Variants in DCUN1D2 observed in about 807,000 individuals in gnomAD.
DCUN1D2 encodes defective in cullin neddylation 1 domain containing 2, also known as DCN1-like protein 2.
In DCUN1D2, 29 loss-of-function variants were observed where a neutral mutation model predicts 30.9. That is an observed-to-expected ratio of 0.94 (90% CI 0.70 to 1.28). DCUN1D2 has a LOEUF of 1.28. DCUN1D2 is among the 50% of genes most tolerant of loss of function. The pLI is 0.00. For synonymous variants in DCUN1D2, 121 were observed against 115.3 expected (o/e 1.05, Z -0.32); for missense variants, 325 against 316.9 (o/e 1.03, Z -0.19).
intron 4 of DCUN1D2, among the ~76,000 whole-genome samples, chr13:113,470,334 G>A (rs1390921635): frequency 6.6e-6 from 1 of 152,226 alleles, no homozygotes; most frequent in Non-Finnish European, 1.5e-5. Context: ...GCACAAGGAT[G>A]AGACTGCCTA....
chr13:113,483,416 C>T (rs969745616), intron 2 of DCUN1D2, among the ~76,000 whole-genome samples: 2 of 152,208 alleles, frequency 1.3e-5, no homozygotes, highest in African/African-American at 4.8e-5. Flanking sequence ...TTCAGATCAT[C>T]TTCATGATTT....
intron 4 of DCUN1D2, among the ~76,000 whole-genome samples, chr13:113,462,200 C>A (rs181719396): frequency 8.7e-5 from 13 of 149,804 alleles, no homozygotes; most frequent in African/African-American, 3.2e-4. Flanking sequence ...TGTGGTGAGC[C>A]GAGATTGCGC....
chr13:113,463,783 CACAG>C (rs2044357899), intron 4 of DCUN1D2, among the ~76,000 whole-genome samples: 1 of 146,860 alleles, frequency 6.8e-6, no homozygotes, highest in Non-Finnish European at 1.5e-5. Flanking sequence ...CACAGACACA[CACAG>C]AGACACACAG....
chr13:113,462,762 C>G (rs918809658), intron 4 of DCUN1D2: 16 of 1,064,408 alleles, frequency 1.5e-5, no homozygotes, highest in Non-Finnish European at 1.7e-5. Flanking sequence ...CAGTAAAATG[C>G]TAAGAAGATG....
At chr13:113,482,959 C>G (rs1390873847) in intron 2 of DCUN1D2, among the ~76,000 whole-genome samples, 1 of 152,132 alleles carries the variant, frequency 6.6e-6, no homozygotes, top group Non-Finnish European at 1.5e-5. Context: ...CACACACACA[C>G]AGACAACAAT....
chr13:113,490,904 TCCAACGCCAGCCTGCGGCTGCCAGGC>T, upstream of DCUN1D2: 1 of 246,402 alleles, frequency 4.1e-6, no homozygotes, highest in Non-Finnish European at 7.4e-6. The surrounding 1 kb of genome is among the most constrained non-coding windows in gnomAD (Gnocchi z 5.2). Context: ...CCCTGCGGGG[TCCAACGCCAGCCTGCGGCTGCCAGGC>T]CCCACGCCGG....
chr13:113,462,657 T>TTCAG, intron 4 of DCUN1D2: 2 of 743,820 alleles, frequency 2.7e-6, no homozygotes, highest in Non-Finnish European at 3.3e-6. Flanking sequence ...CAGTTTTGAA[T>TTCAG]ACCCTGGAGT....
In DCUN1D2 at chr13:113,459,569, A is replaced by G. The variant is rs1595564940; in HGVS notation, c.604-161T>C. On this transcript the variant is annotated intron_variant, in intron 5 of 6. Transcript: ENST00000478244. Reference sequence around the variant, plus strand: ...GTAATAGCGTTCTGTATAAATGTTAAGTGCTACAACAACGCTAATGTCCAA... The same window carrying G: ...GTAATAGCGTTCTGTATAAATGTTAGGTGCTACAACAACGCTAATGTCCAA... 3 of 487,230 alleles carry G rather than the reference A, an allele frequency of 6.2e-6. No individual in the cohort carries two copies. In the East Asian group the frequency reaches 9.1e-5, roughly 15 times the overall value. 30.2% of individuals were successfully genotyped at this position (487,230 alleles called of 1,614,324 possible).
intron 3 of DCUN1D2, chr13:113,480,320 C>T (rs1476678764): frequency 3.2e-6 from 1 of 308,648 alleles, no homozygotes; most frequent in Non-Finnish European, 5.9e-6. Context: ...AAGGAAAAAA[C>T]TCAAAAAGAA....
intron 2 of DCUN1D2, among the ~76,000 whole-genome samples, chr13:113,483,304 T>A (rs1181631629): frequency 6.6e-6 from 1 of 152,150 alleles, no homozygotes; most frequent in East Asian, 1.9e-4. Context: ...ACAAAAAGTT[T>A]CTTTGCTGCG....
intron 4 of DCUN1D2, among the ~76,000 whole-genome samples, chr13:113,471,740 T>A (rs1238385683): frequency 6.6e-6 from 1 of 152,178 alleles, no homozygotes. Flanking sequence ...CAGAAGAAAG[T>A]GGAGCGACAC....
intron 1 of DCUN1D2, chr13:113,489,187 GAGTT>G (rs1347124946): frequency 1.0e-6 from 1 of 979,468 alleles, no homozygotes; most frequent in Admixed American, 6.1e-5. Flanking sequence ...GAGGGAGGGG[GAGTT>G]AAATTCATCC....
At chr13:113,468,346 A>G (rs2139694019) in intron 4 of DCUN1D2, among the ~76,000 whole-genome samples, 1 of 152,260 alleles carries the variant, frequency 6.6e-6, no homozygotes, top group South Asian at 2.1e-4. Flanking sequence ...CAGAGACCAG[A>G]AGTAGAATGG....
chr13:113,478,881 T>C lies in DCUN1D2; in HGVS notation c.389+1694A>G, dbSNP rs372120848. 9 of 150,674 alleles carry C rather than the reference T, an allele frequency of 6.0e-5. No homozygotes were observed. In the East Asian group the frequency reaches 1.7e-3, roughly 29 times the overall value. The allele number at this position is 150,674 out of a possible 1,614,324, so 9.3% of individuals were successfully genotyped here. A position where few individuals can be genotyped will look rare whatever the true frequency, so the allele number is the denominator to read the frequency against. On this transcript the variant is annotated intron_variant, in intron 3 of 6. Coordinates refer to ENST00000478244, the MANE Select transcript of DCUN1D2 (RefSeq NM_001014283.2). ...CAATTTTTATTAATGTTCTGTGCCT[T>C]TAATAAAGTTTTTTTTTTTTTAATT...
chr13:113,480,578 A>G lies in DCUN1D2; in HGVS notation c.386T>C (p.Leu129Pro), dbSNP rs767398501. The G allele has an allele frequency of 6.2e-7, 1 of 1,613,976 alleles. No homozygotes were observed. The highest frequency in any genetic ancestry group is 2.2e-5 in the East Asian group (1 of 44,870). Residue 129 changes from leucine (L) to proline (P), a missense_variant, in exon 3 of 7, where the codon CTT (leucine) becomes CCT (proline). Coordinates refer to ENST00000478244, the MANE Select transcript of DCUN1D2 (RefSeq NM_001014283.2). ...RKEFLDGMTE[L>P]GCDSMEKLKA... ...AAGCTAAGAATAGTTGACTTACCCA[A>G]GTTCTGTCATGCCATCTAGAAATTC...
chr13:113,458,809 G>C (rs1396359699), intron 6 of DCUN1D2, among the ~76,000 whole-genome samples: 1 of 152,232 alleles, frequency 6.6e-6, no homozygotes, highest in Admixed American at 6.5e-5. Context: ...GGAGCCTAGA[G>C]GGGAGGCCTT....
In DCUN1D2 at chr13:113,490,388, C is replaced by T. The variant is rs536570647; in HGVS notation, c.3+279G>A. ...GGTTCCCGCTCGGCCCCGGCCCCTG[C>T]CCCAAGGCCCCTACAGTTCCTCCCG... On this transcript the variant is annotated intron_variant, in intron 1 of 6. Transcript: ENST00000478244. This position sits in a 1 kb window ranked among gnomAD's most constrained non-coding sequence, Gnocchi z 5.2. 132 of 304,068 alleles carry T rather than the reference C, an allele frequency of 4.3e-4. 1 individual carries two copies. Among genetic ancestry groups the T allele is most frequent in the African/African-American group, 2.8e-3 (126 of 44,770 alleles). 18.8% of individuals were successfully genotyped at this position (304,068 alleles called of 1,614,324 possible).
In DCUN1D2 at chr13:113,459,332, A is replaced by G. The variant is rs779720180; in HGVS notation, c.680T>C (p.Met227Thr). The change falls in exon 6 of 7, where the codon ATG becomes ACG. Residue 227 changes from methionine (M) to threonine (T), a missense_variant. Transcript: ENST00000478244. ...GGTACCTTCTTCATCGTAGTTAGAC[A>G]TATCATCCGCAATCATGTTTCCAAA... ...LDFGNMIADD[M>T]SNYDEEGAWP... The G allele has an allele frequency of 1.3e-6, 2 of 1,594,526 alleles. No homozygotes were observed. The highest frequency in any genetic ancestry group is 1.7e-6 in the Non-Finnish European group (2 of 1,162,160).
At chr13:113,459,538 T>A in intron 5 of DCUN1D2, 130 bp from the exon 6 acceptor site, 1 of 554,888 alleles carries the variant, frequency 1.8e-6, no homozygotes, top group Non-Finnish European at 3.2e-6. Context: ...AATAAAATTG[T>A]TAAAAGTAAT....
Sources: gnomAD v4.1 joint callset for allele counts (sites outside exome capture counted in the v4.1 genomes callset) on GRCh38, gnomAD v4.1.1 for gene constraint, Gnocchi (gnomAD v3.1) non-coding constraint, MANE v1.5 for transcripts, NCBI Gene and HGNC (gene_info 2026-07-23, HGNC 2026-07-21) for gene names.